Variants in CRB1 observed in about 807,000 individuals in gnomAD.
CRB1 encodes crumbs cell polarity complex component 1.
CRB1 carries 83 observed loss-of-function variants against 120.0 expected under a neutral mutation model. The ratio of observed to expected loss-of-function variants is 0.69; its 90% CI spans 0.58 to 0.83. CRB1 has a LOEUF of 0.83. Among genes scored for constraint, CRB1 ranks in the 40% least tolerant of loss-of-function variants. CRB1 has a pLI of 0.00. For missense variants in CRB1, 1,699 were observed against 1,687.6 expected, an observed-to-expected ratio of 1.01 and a Z score of -0.12; for synonymous variants, 625 against 612.5, an observed-to-expected ratio of 1.02 and a Z score of -0.30.
At chr1:197,204,130 T>C in the CRB1 span, among the ~76,000 whole-genome samples, 2 of 152,246 alleles carry the variant, frequency 1.3e-5, no homozygotes, top group African/African-American at 2.4e-5. Flanking sequence ...TTGTTCCTTT[T>C]TATAGCTGAG....
At chr1:197,357,196 C>T (rs770623622) in intron 5 of CRB1, 183 bp downstream of exon 5, 8 of 686,864 alleles carry the variant, frequency 1.2e-5, no homozygotes, top group South Asian at 1.6e-5. Context: ...CCTCAAATCA[C>T]GAGAGAAATA....
chr1:197,376,104 C>A (rs1463077445), intron 5 of CRB1, among the ~76,000 whole-genome samples: 2 of 152,124 alleles, frequency 1.3e-5, no homozygotes, highest in African/African-American at 4.8e-5. Flanking sequence ...TGTTCACTAT[C>A]ATTCTATTGC....
chr1:197,253,815 A>G, the CRB1 span, among the ~76,000 whole-genome samples: 1 of 152,132 alleles, frequency 6.6e-6, no homozygotes, highest in South Asian at 2.1e-4. Flanking sequence ...GCCAAAAACT[A>G]TCAAGGTTTT....
At chr1:197,208,608 A>G in the CRB1 span, among the ~76,000 whole-genome samples, 4 of 152,210 alleles carry the variant, frequency 2.6e-5, no homozygotes, top group Non-Finnish European at 5.9e-5. Context: ...GCTCTGGTGT[A>G]GGTAGCAGGG....
At chr1:197,262,025 A>C in the CRB1 span, among the ~76,000 whole-genome samples, 1 of 152,206 alleles carries the variant, frequency 6.6e-6, no homozygotes, top group Non-Finnish European at 1.5e-5. Flanking sequence ...GAGAAAAAGT[A>C]CTTTTTTCCT....
chr1:197,472,392 G>C (rs1039200485), intron 11 of CRB1, among the ~76,000 whole-genome samples: 1 of 152,174 alleles, frequency 6.6e-6, no homozygotes, highest in Admixed American at 6.5e-5. Context: ...GCAGGCATGA[G>C]AGAAAGGACC....
chr1:197,322,402 G>A (rs1658251217), intron 1 of CRB1, among the ~76,000 whole-genome samples: 1 of 151,810 alleles, frequency 6.6e-6, no homozygotes, highest in African/African-American at 2.4e-5. Flanking sequence ...GGCAGAGGTT[G>A]CAGTGAGCCA....
rs767896959 is a variant in CRB1, at chr1:197,421,867, C to T, written c.2039C>T (p.Pro680Leu). Residue 680 changes from proline to leucine, a missense_variant, in exon 6 of 12, where the codon CCT (proline) becomes CTT (leucine). Coordinates refer to ENST00000367400, the MANE Select transcript of CRB1 (RefSeq NM_201253.3). The part of the protein sequence containing the change: ...CVRKDWCESQ[P>L]CQSRGRCINL... ...AGAAAGGATTGGTGTGAAAGCCAAC[C>T]TTGTCAAAGCAGAGGACGCTGCATC... 1.2e-6 allele frequency: 2 copies of T among 1,614,086 alleles called. No individual in the cohort carries two copies. The highest frequency in any genetic ancestry group is 1.7e-6 in the Non-Finnish European group (2 of 1,180,052).
intron 4 of CRB1, among the ~76,000 whole-genome samples, chr1:197,356,537 C>T (rs552589480): frequency 6.6e-6 from 1 of 152,312 alleles, no homozygotes; most frequent in East Asian, 1.9e-4. Flanking sequence ...TGGAGGCTTT[C>T]ATTAAAATGT....
At chr1:197,301,829 G>A (rs898855134) in intron 1 of CRB1, among the ~76,000 whole-genome samples, 3 of 152,014 alleles carry the variant, frequency 2.0e-5, no homozygotes, top group Non-Finnish European at 4.4e-5. Flanking sequence ...CTGAAGATGT[G>A]ACTGAATAGC....
At chr1:197,384,382 C>G (rs1386548935) in intron 5 of CRB1, among the ~76,000 whole-genome samples, 1 of 152,232 alleles carries the variant, frequency 6.6e-6, no homozygotes, top group African/African-American at 2.4e-5. Context: ...CACATTTCCC[C>G]CTGACAACAA....
intron 1 of CRB1, among the ~76,000 whole-genome samples, chr1:197,271,830 TG>T: frequency 6.6e-6 from 1 of 152,194 alleles, no homozygotes; most frequent in East Asian, 1.9e-4. Flanking sequence ...TTTATAAATT[TG>T]GGGGTAAACA....
At chr1:197,411,062 T>C (rs1165074063) in intron 5 of CRB1, among the ~76,000 whole-genome samples, 1 of 152,230 alleles carries the variant, frequency 6.6e-6, no homozygotes, top group Non-Finnish European at 1.5e-5. Context: ...CCTTCTGATA[T>C]GCCCTGGTAT....
rs1476686032 is a variant in CRB1 at position 197,421,309 on chromosome 1, T to C, written c.1481T>C (p.Leu494Pro). The C allele has an allele frequency of 6.2e-7, 1 of 1,614,116 alleles. No homozygotes were observed. Among genetic ancestry groups the C allele is most frequent in the African/African-American group, 1.3e-5 (1 of 74,946 alleles). The part of the protein sequence containing the change: ...TTLSFEGDGF[L>P]WVKSGSVTTK... The stretch of plus-strand genomic sequence containing the variant: ...CTTTCATTTGAGGGCGATGGCTTCC[T>C]GTGGGTCAAAAGTGGCTCAGTGACA... The change falls in exon 6 of 12, where the codon CTG (leucine) becomes CCG (proline). Residue 494 changes from leucine to proline, a missense_variant. Leu to Pro is a moderately conservative substitution (Grantham distance 98, BLOSUM62 -3). Transcript: ENST00000367400.
intron 1 of CRB1, among the ~76,000 whole-genome samples, chr1:197,268,896 T>C (rs1654752205): frequency 6.6e-6 from 1 of 152,240 alleles, no homozygotes; most frequent in African/African-American, 2.4e-5. Flanking sequence ...ATCTTCACTT[T>C]TAAATAACTC....
At chr1:197,252,616 T>TGTGTG in the CRB1 span, among the ~76,000 whole-genome samples, 6 of 83,698 alleles carry the variant, frequency 7.2e-5, no homozygotes, top group East Asian at 4.0e-4. Flanking sequence ...GTGTGTGTGA[T>TGTGTG]ATATATATGT....
intron 2 of CRB1, among the ~76,000 whole-genome samples, chr1:197,333,352 G>A (rs1438646767): frequency 1.3e-5 from 2 of 152,202 alleles, no homozygotes; most frequent in Admixed American, 1.3e-4. Flanking sequence ...AAAGTAAGTG[G>A]ATGCAAACTT....
At chr1:197,261,146 T>A in the CRB1 span, among the ~76,000 whole-genome samples, 1 of 152,320 alleles carries the variant, frequency 6.6e-6, no homozygotes, top group African/African-American at 2.4e-5. Context: ...TTGTAATTAA[T>A]TTTTAAAAAT....
At chr1:197,219,258 A>G in the CRB1 span, among the ~76,000 whole-genome samples, 2 of 152,264 alleles carry the variant, frequency 1.3e-5, no homozygotes, top group Non-Finnish European at 2.9e-5. Flanking sequence ...AGGTTTATCA[A>G]ATGCTTACTA....
Sources: allele counts gnomAD v4.1 joint callset (sites outside exome capture counted in the v4.1 genomes callset), GRCh38; gene constraint gnomAD v4.1.1; transcripts MANE v1.5; gene names NCBI Gene and HGNC (gene_info 2026-07-23, HGNC 2026-07-21).